The following PPM1B variants were observed in gnomAD, a reference collection of about 807,000 sequenced individuals.
PPM1B encodes the protein protein phosphatase 1B.
In PPM1B, 22 loss-of-function variants were observed where a neutral mutation model predicts 43.0. That is an observed-to-expected ratio of 0.51 (90% CI 0.37 to 0.73). The LOEUF is 0.73. Among genes scored for constraint, PPM1B ranks in the 30% least tolerant of loss-of-function variants. The pLI is 0.00. For missense variants in PPM1B, 632 were observed against 584.2 expected, an observed-to-expected ratio of 1.08 and a Z score of -0.84; for synonymous variants, 217 against 197.9, an observed-to-expected ratio of 1.10 and a Z score of -0.81.
chr2:44,213,860 T>C (rs1199476423), intron 3 of PPM1B: 1 of 152,148 alleles, frequency 6.6e-6, no homozygotes, highest in Non-Finnish European at 1.5e-5. Flanking sequence ...TGATAAATTG[T>C]AGTATATTGG....
downstream of PPM1B, chr2:44,233,387 T>C: frequency 7.1e-6 from 7 of 983,892 alleles, no homozygotes; most frequent in Non-Finnish European, 8.5e-6. Context: ...CATAAGGTAC[T>C]TGAAGATTTA....
chr2:44,186,177 T>G (rs925771342), intron 1 of PPM1B, among the ~76,000 whole-genome samples: 1 of 152,204 alleles, frequency 6.6e-6, no homozygotes, highest in Non-Finnish European at 1.5e-5. Context: ...TAGATTTTAT[T>G]ACTACTATCA....
At chr2:44,172,186 T>TCA (rs1000752190) in intron 1 of PPM1B, among the ~76,000 whole-genome samples, 3 of 152,224 alleles carry the variant, frequency 2.0e-5, no homozygotes, top group Admixed American at 1.3e-4. Flanking sequence ...CAGTTATTCT[T>TCA]CACACTGTAC....
chr2:44,215,455 C>G (rs1669677186), intron 3 of PPM1B, among the ~76,000 whole-genome samples: 1 of 149,054 alleles, frequency 6.7e-6, no homozygotes, highest in Non-Finnish European at 1.5e-5. Context: ...AAGAACATGT[C>G]TTTAAGAAAA....
intron 1 of PPM1B, among the ~76,000 whole-genome samples, chr2:44,184,207 A>C (rs1405348378): frequency 1.3e-5 from 2 of 152,264 alleles, no homozygotes; most frequent in African/African-American, 4.8e-5. Context: ...TTCTTAGCAC[A>C]CAGAAAATGT....
intron 3 of PPM1B, among the ~76,000 whole-genome samples, chr2:44,214,895 TATGG>T (rs1287037839): frequency 1.3e-5 from 2 of 152,222 alleles, no homozygotes; most frequent in African/African-American, 4.8e-5. Context: ...AAGCACCTAT[TATGG>T]TGCCTAGCAC....
intron 5 of PPM1B, among the ~76,000 whole-genome samples, chr2:44,220,892 C>T (rs1315310812): frequency 6.6e-6 from 1 of 152,116 alleles, no homozygotes; most frequent in Non-Finnish European, 1.5e-5. Flanking sequence ...ACTAGAGAGG[C>T]AAGGACAAAG....
At chr2:44,193,830 C>T (rs1038361242) in intron 1 of PPM1B, among the ~76,000 whole-genome samples, 6 of 152,110 alleles carry the variant, frequency 3.9e-5, no homozygotes, top group Middle Eastern at 3.4e-3. Flanking sequence ...CCACCCGCCT[C>T]GGCCTCCCAC....
chr2:44,223,179 A>G (rs763940769), intron 5 of PPM1B, among the ~76,000 whole-genome samples: 18 of 152,324 alleles, frequency 1.2e-4, no homozygotes, highest in Admixed American at 4.6e-4. Context: ...AGTTGTTGAA[A>G]GGAATGAGTT....
At chr2:44,228,370 C>G (rs1402088573) in intron 5 of PPM1B, among the ~76,000 whole-genome samples, 1 of 151,960 alleles carries the variant, frequency 6.6e-6, no homozygotes, top group African/African-American at 2.4e-5. Context: ...GATAGGGTCT[C>G]ATTGTGTTTC....
intron 3 of PPM1B, among the ~76,000 whole-genome samples, chr2:44,216,905 A>AG (rs1349980766): frequency 4.0e-5 from 6 of 151,314 alleles, no homozygotes; most frequent in Non-Finnish European, 7.4e-5. Flanking sequence ...AGTGTCTCAA[A>AG]AAAAAAAAAA....
At chr2:44,172,901 C>T (rs1030737712) in intron 1 of PPM1B, among the ~76,000 whole-genome samples, 6 of 152,198 alleles carry the variant, frequency 3.9e-5, no homozygotes, top group African/African-American at 7.2e-5. Context: ...AGTGAAACCA[C>T]GCCTCTATTT....
intron 1 of PPM1B, among the ~76,000 whole-genome samples, chr2:44,176,100 G>A (rs1041530080): frequency 6.6e-6 from 1 of 152,036 alleles, no homozygotes; most frequent in Non-Finnish European, 1.5e-5. Flanking sequence ...AAGATTAAAA[G>A]ATGACCCAAA....
At chr2:44,202,170 C>G (rs1668970388) in intron 2 of PPM1B, 125 bp downstream of exon 2, 4 of 958,160 alleles carry the variant, frequency 4.2e-6, no homozygotes, top group Non-Finnish European at 5.7e-6. Flanking sequence ...TTTTGAAGTA[C>G]TTTACCAGAA....
At chr2:44,227,257 G>A (rs1230429214) in intron 5 of PPM1B, among the ~76,000 whole-genome samples, 1 of 152,154 alleles carries the variant, frequency 6.6e-6, no homozygotes, top group Non-Finnish European at 1.5e-5. Context: ...TTACAGGCAT[G>A]AGCCACCAGC....
At chr2:44,221,802 A>G (rs1253710766) in intron 5 of PPM1B, among the ~76,000 whole-genome samples, 1 of 152,112 alleles carries the variant, frequency 6.6e-6, no homozygotes, top group Non-Finnish European at 1.5e-5. Flanking sequence ...TTCAGAAAGT[A>G]GAGTTGAGTA....
intron 1 of PPM1B, among the ~76,000 whole-genome samples, chr2:44,186,477 TCCCGCCTCAG>T (rs1176179325): frequency 6.6e-6 from 1 of 152,064 alleles, no homozygotes; most frequent in East Asian, 1.9e-4. Flanking sequence ...CAAGCAATCC[TCCCGCCTCAG>T]CCTCCCAGGT....
Position 44,202,028 on chromosome 2 carries a change from G to A in PPM1B, c.829G>A (p.Asp277Asn). ...DLENVCNWVV[D>N]TCLHKGSRDN... is the part of the protein sequence containing the mutation. ...GGAAAATGTGTGCAATTGGGTAGTG[G>A]ACACTTGTTTACACAAGGTATGTAA... Residue 277 changes from aspartate (D) to asparagine (N), a missense_variant, in exon 2 of 6, where the codon GAC (aspartate) becomes AAC (asparagine). This residue lies in a region of PPM1B where 392 missense variants were observed against 302.7 expected (regional missense o/e 1.29). Transcript: ENST00000282412. The A allele has an allele frequency of 6.3e-7, 1 of 1,582,774 alleles. No homozygotes were observed. Among genetic ancestry groups the A allele is most frequent in the Non-Finnish European group, 8.6e-7 (1 of 1,165,118 alleles).
At chr2:44,234,235 C>G, downstream of PPM1B, 2 of 981,668 alleles carry the variant, frequency 2.0e-6, no homozygotes, top group Non-Finnish European at 2.4e-6. Context: ...AAAAACCTGC[C>G]TTTGGCCGGG....
Sources: gnomAD v4.1 joint callset for allele counts (sites outside exome capture counted in the v4.1 genomes callset) on GRCh38, gnomAD v4.1.1 for gene constraint, gnomAD v4.1.1 regional missense constraint, MANE v1.5 for transcripts, NCBI Gene and HGNC (gene_info 2026-07-23, HGNC 2026-07-21) for gene names.